ADAMTSL1: variants seen among roughly 807,000 people sequenced by gnomAD.
ADAMTSL1 encodes the protein ADAMTS-like protein 1.
In ADAMTSL1, 126 loss-of-function variants were observed where a neutral mutation model predicts 201.8. The observed-to-expected ratio is 0.62, with a 90% CI of 0.54 to 0.72. The LOEUF is 0.72. ADAMTSL1 is among the 30% of genes least tolerant of loss of function. ADAMTSL1 has a pLI of 0.00. For synonymous variants in ADAMTSL1, 1,121 were observed against 903.4 expected, an observed-to-expected ratio of 1.24 and a Z score of -4.32; for missense variants, 2,679 against 2,277.8, an observed-to-expected ratio of 1.18 and a Z score of -3.59.
intron 1 of ADAMTSL1, among the ~76,000 whole-genome samples, chr9:18,029,189 C>T (rs935390543): frequency 6.6e-6 from 1 of 152,122 alleles, no homozygotes; most frequent in African/African-American, 2.4e-5. Flanking sequence ...TCTAGATATA[C>T]AATCATGTCA....
intron 23 of ADAMTSL1, among the ~76,000 whole-genome samples, chr9:18,864,158 G>T (rs1827369077): frequency 6.6e-6 from 1 of 152,092 alleles, no homozygotes; most frequent in Non-Finnish European, 1.5e-5. Context: ...TCCTCTTTTA[G>T]ATTGTATATT....
chr9:18,040,212 A>G (rs1367872349), intron 1 of ADAMTSL1, among the ~76,000 whole-genome samples: 1 of 152,242 alleles, frequency 6.6e-6, no homozygotes, highest in Admixed American at 6.5e-5. Context: ...TGAATAAGCC[A>G]GGAAGATAAC....
intron 2 of ADAMTSL1, among the ~76,000 whole-genome samples, chr9:18,337,582 A>G (rs1017152914): frequency 2.6e-5 from 4 of 152,196 alleles, no homozygotes; most frequent in Non-Finnish European, 5.9e-5. Context: ...TAGTTAACCC[A>G]GGGTCACACT....
At chr9:18,000,798 G>GGCC (rs1368205119) in intron 1 of ADAMTSL1, among the ~76,000 whole-genome samples, 1 of 152,060 alleles carries the variant, frequency 6.6e-6, no homozygotes, top group Admixed American at 6.6e-5. Flanking sequence ...AGATGTCATA[G>GGCC]GCCAGAGCGG....
At chr9:18,288,429 C>T (rs1239435046) in intron 2 of ADAMTSL1, among the ~76,000 whole-genome samples, 1 of 152,096 alleles carries the variant, frequency 6.6e-6, no homozygotes, top group Non-Finnish European at 1.5e-5. Flanking sequence ...CTGAATTTCT[C>T]AACTTTAAAG....
At chr9:18,471,235 T>A (rs79613627), upstream of ADAMTSL1, among the ~76,000 whole-genome samples, 2 of 152,256 alleles carry the variant, frequency 1.3e-5, no homozygotes, top group East Asian at 3.9e-4. Context: ...TTCAACAACA[T>A]CACTGCCAAC....
At chr9:18,505,364 A>G (rs1823068149) in intron 2 of ADAMTSL1, among the ~76,000 whole-genome samples, 1 of 152,244 alleles carries the variant, frequency 6.6e-6, no homozygotes, top group South Asian at 2.1e-4. Flanking sequence ...AGTACTTTGC[A>G]AGTGAATAAC....
chr9:18,009,307 A>C (rs1370961828), intron 1 of ADAMTSL1, among the ~76,000 whole-genome samples: 1 of 151,992 alleles, frequency 6.6e-6, no homozygotes, highest in African/African-American at 2.4e-5. Context: ...TGTACCCAAA[A>C]AGCTGGCTTG....
At chr9:18,455,161 G>A (rs1366967079) in intron 2 of ADAMTSL1, among the ~76,000 whole-genome samples, 1 of 152,110 alleles carries the variant, frequency 6.6e-6, no homozygotes, top group East Asian at 1.9e-4. Flanking sequence ...GTAAGCTTTA[G>A]GTATGAGAAA....
chr9:18,545,927 A>G (rs1287378210), intron 3 of ADAMTSL1, among the ~76,000 whole-genome samples: 1 of 152,202 alleles, frequency 6.6e-6, no homozygotes, highest in Non-Finnish European at 1.5e-5. Context: ...GCAGCATCAA[A>G]TCTTCTCATT....
At chr9:18,163,553 G>A (rs1387097170) in intron 1 of ADAMTSL1, among the ~76,000 whole-genome samples, 1 of 151,942 alleles carries the variant, frequency 6.6e-6, no homozygotes, top group Non-Finnish European at 1.5e-5. Flanking sequence ...TAGCCCAATG[G>A]GATGAGTCTA....
At chr9:18,848,362 A>C (rs2131358671) in intron 23 of ADAMTSL1, among the ~76,000 whole-genome samples, 1 of 152,354 alleles carries the variant, frequency 6.6e-6, no homozygotes, top group Non-Finnish European at 1.5e-5. Flanking sequence ...AGAAGCTGGA[A>C]TGGAAATATG....
Position 18,637,440 on chromosome 9 carries a change from G to A in ADAMTSL1, c.676+1423G>A, listed in dbSNP as rs149388975. 2.4e-3 allele frequency among the ~76,000 whole-genome samples: 361 copies of A among 152,156 alleles called. 3 individuals are homozygous for A. The highest frequency in any genetic ancestry group is 8.0e-3 in the African/African-American group (331 of 41,512). ...AAGTGGGGGACTGACTCTTCATTGCGGAAGAAAGAACCCATAGGAGTAGAT... is the reference window on the plus strand; with the variant it reads ...AAGTGGGGGACTGACTCTTCATTGCAGAAGAAAGAACCCATAGGAGTAGAT... On this transcript the variant is annotated intron_variant, in intron 6 of 28. Coordinates refer to ENST00000380548, the MANE Select transcript of ADAMTSL1 (RefSeq NM_001040272.6).
chr9:18,229,183 C>T (rs1830549492), intron 2 of ADAMTSL1, among the ~76,000 whole-genome samples: 1 of 152,116 alleles, frequency 6.6e-6, no homozygotes, highest in African/African-American at 2.4e-5. Flanking sequence ...CGGATCATCC[C>T]TGGATCACTG....
chr9:18,276,682 G>A (rs751253567), intron 2 of ADAMTSL1, among the ~76,000 whole-genome samples: 2 of 152,204 alleles, frequency 1.3e-5, no homozygotes, highest in Admixed American at 6.5e-5. Flanking sequence ...GGCAAAGGGG[G>A]AGGAGGTGGT....
chr9:18,471,696 G>A (rs1351979812), upstream of ADAMTSL1, among the ~76,000 whole-genome samples: 1 of 152,202 alleles, frequency 6.6e-6, no homozygotes, highest in Non-Finnish European at 1.5e-5. Context: ...AGAAAATGCT[G>A]TGAGGAATCA....
intron 1 of ADAMTSL1, among the ~76,000 whole-genome samples, chr9:17,987,347 G>C (rs535451068): frequency 6.6e-6 from 1 of 152,194 alleles, no homozygotes; most frequent in Admixed American, 6.5e-5. Context: ...GAGAACAACA[G>C]ATGTCATTTG....
intron 1 of ADAMTSL1, among the ~76,000 whole-genome samples, chr9:18,116,351 A>G (rs1392629510): frequency 2.6e-5 from 4 of 152,186 alleles, no homozygotes; most frequent in Non-Finnish European, 5.9e-5. Context: ...GCTTTCACAT[A>G]TGACTTTTCT....
chr9:18,644,120 G>T (rs1345538956), intron 7 of ADAMTSL1, among the ~76,000 whole-genome samples: 1 of 151,596 alleles, frequency 6.6e-6, no homozygotes, highest in Non-Finnish European at 1.5e-5. Context: ...AATATTGGGG[G>T]TTTTTGGTAG....
Sources: allele counts gnomAD v4.1 joint callset (sites outside exome capture counted in the v4.1 genomes callset), GRCh38; gene constraint gnomAD v4.1.1; transcripts MANE v1.5; gene names NCBI Gene and HGNC (gene_info 2026-07-23, HGNC 2026-07-21).